Variants in AMACR observed in about 807,000 individuals in gnomAD.
AMACR encodes 2-methylacyl-CoA racemase.
In AMACR, 18 loss-of-function variants were observed where a neutral mutation model predicts 22.2. The observed-to-expected ratio is 0.81, with a 90% CI of 0.56 to 1.20. The LOEUF (loss-of-function observed/expected upper bound fraction) is 1.20, where lower values mean the gene tolerates loss of function less well. AMACR is among the 50% of genes most tolerant of loss of function. The pLI, the probability that AMACR is intolerant of heterozygous loss-of-function variation, is 0.00. For synonymous variants in AMACR, 213 were observed against 191.3 expected, an observed-to-expected ratio of 1.11 and a Z score of -0.94; for missense variants, 499 against 490.6, an observed-to-expected ratio of 1.02 and a Z score of -0.16.
At position 33,988,808 on chromosome 5, in the gene AMACR, TAA is replaced by T. The variant is rs1243422054; in HGVS notation, c.*283_*284del. Reference sequence around the variant, plus strand: ...TTTTCACTAGAACCCATTCAAAATATAAGTCAAGAATCTTAATATCAACAAAT... The same window carrying T: ...TTTTCACTAGAACCCATTCAAAATATGTCAAGAATCTTAATATCAACAAAT... On this transcript the variant is annotated 3_prime_UTR_variant, in exon 5 of 5. Coordinates refer to ENST00000335606, the MANE Select transcript of AMACR (RefSeq NM_014324.6). The T allele has an allele frequency of 1.0e-5, 13 of 1,275,980 alleles. No individual in the cohort carries two copies. The highest frequency in any genetic ancestry group is 3.8e-5 in the Admixed American group (1 of 26,306). 79.0% of individuals were successfully genotyped at this position (1,275,980 alleles called of 1,614,324 possible). A position where few individuals can be genotyped will look rare whatever the true frequency, so the allele number is the denominator to read the frequency against.
At chr5:33,996,235 T>C (rs1436835643) in intron 4 of AMACR, among the ~76,000 whole-genome samples, 1 of 152,192 alleles carries the variant, frequency 6.6e-6, no homozygotes, top group Non-Finnish European at 1.5e-5. Context: ...CATAAGATGC[T>C]GACCAAAAAA....
At position 33,997,744 on chromosome 5, in the gene AMACR, A is replaced by G. The variant is rs1753688682; in HGVS notation, c.739+897T>C. 4 of 551,852 alleles carry G rather than the reference A, an allele frequency of 7.2e-6. No individual in the cohort carries two copies. The East Asian group carries it at 8.7e-5, about 12-fold the overall frequency. 34.2% of individuals were successfully genotyped at this position (551,852 alleles called of 1,614,324 possible). A position where few individuals can be genotyped will look rare whatever the true frequency, so the allele number is the denominator to read the frequency against. On this transcript the variant is annotated intron_variant, in intron 4 of 4. Transcript: ENST00000335606. Reference sequence around the variant, plus strand: ...GTGTTCTTCTATAGTTTTTCCAACTATATTTGAATAGGTGAAGTTAATATG... The same window carrying G: ...GTGTTCTTCTATAGTTTTTCCAACTGTATTTGAATAGGTGAAGTTAATATG...
At chr5:33,999,411 C>A (rs1163437138) in intron 3 of AMACR, among the ~76,000 whole-genome samples, 1 of 152,122 alleles carries the variant, frequency 6.6e-6, no homozygotes, top group Non-Finnish European at 1.5e-5. Context: ...ATATGGATGG[C>A]AGGTATGTGC....
chr5:33,988,186 A>G lies in AMACR; in HGVS notation c.*907T>C, dbSNP rs1425841164. ...AAGTTGAGTCCAGGGAAGCTCCAGG[A>G]GCAGGCTGGTTTTATGTAAAGACAA... On this transcript the variant is annotated 3_prime_UTR_variant, in exon 5 of 5. Coordinates refer to ENST00000335606, the MANE Select transcript of AMACR (RefSeq NM_014324.6). 1.2e-6 allele frequency: 1 copy of G among 843,858 alleles called. No individual in the cohort carries two copies. Among genetic ancestry groups the G allele is most frequent in the African/African-American group, 1.7e-5 (1 of 58,636 alleles). 52.3% of individuals were successfully genotyped at this position (843,858 alleles called of 1,614,324 possible). A position where few individuals can be genotyped will look rare whatever the true frequency, so the allele number is the denominator to read the frequency against.
chr5:33,989,515 A>G lies in AMACR; in HGVS notation c.740-13T>C, dbSNP rs1433373997. The G allele has an allele frequency of 6.3e-7, 1 of 1,595,924 alleles. No homozygotes were observed. The highest frequency in any genetic ancestry group is 2.2e-5 in the East Asian group (1 of 44,812). On this transcript the variant is annotated splice_polypyrimidine_tract_variant and intron_variant, in intron 4 of 4. Transcript: ENST00000335606. ...TTTAGTCCAAGTCCTGAGGAAAAAT[A>G]CAATTTCCTAAATTATTATGCTTTG... is the stretch of plus-strand genomic sequence containing the variant.
At chr5:33,991,188 G>A (rs2112036919) in intron 4 of AMACR, among the ~76,000 whole-genome samples, 1 of 152,240 alleles carries the variant, frequency 6.6e-6, no homozygotes, top group African/African-American at 2.4e-5. Flanking sequence ...TTGTATGCTA[G>A]AAAAATACTA....
At chr5:33,991,416 T>A (rs926483287) in intron 4 of AMACR, among the ~76,000 whole-genome samples, 11 of 152,320 alleles carry the variant, frequency 7.2e-5, no homozygotes, top group African/African-American at 2.6e-4. Context: ...CATAATTGTA[T>A]AAATACAGTT....
rs1173039095 is a variant in AMACR at position 34,007,992 on chromosome 5, C to A, written c.28G>T (p.Glu10Ter). 3.7e-6 allele frequency: 6 copies of A among 1,611,514 alleles called. No homozygotes were observed. Among genetic ancestry groups the A allele is most frequent in the Non-Finnish European group, 4.2e-6 (5 of 1,179,786 alleles). ...GGGCCCGGGGCCAGGCCGGACAGCT[C>A]CACGACCGAGATGCCCTGCAGTGCC... Reference protein sequence around the residue: MALQGISVVELSGLAPGPFC... With the variant: MALQGISVV The change falls in exon 1 of 5, where the codon GAG becomes TAG. Residue 10 changes from glutamate (E) to a stop codon, truncating the protein, a stop_gained. Transcript: ENST00000335606. LOFTEE classifies it high-confidence loss of function.
intron 4 of AMACR, among the ~76,000 whole-genome samples, chr5:33,991,283 C>T (rs1447275887): frequency 1.3e-5 from 2 of 152,138 alleles, no homozygotes; most frequent in Admixed American, 6.5e-5. Context: ...CCACAATCTC[C>T]CATCCTGCCC....
rs1040065007 is a variant in AMACR at position 34,003,497 on chromosome 5, A to G, written c.552+1077T>C. ...TTATCTCCATTTTACAAAGGAAACT[A>G]CAGCACAGAGAGGTTAAGTAACTTG... On this transcript the variant is annotated intron_variant, in intron 3 of 4. Coordinates refer to ENST00000335606, the MANE Select transcript of AMACR (RefSeq NM_014324.6). Among the ~76,000 whole-genome samples, 5 of 152,324 alleles carry G rather than the reference A, an allele frequency of 3.3e-5. No homozygotes were observed. The South Asian group carries it at 1.0e-3, about 32-fold the overall frequency.
rs891443527 is a variant in AMACR, at chr5:33,987,799, T to G, written c.*1294A>C. ...AGAAATGAAAAATATATTTTTTTAT[T>G]TATGTGTATTATATTTTTCAAGCAG... On this transcript the variant is annotated 3_prime_UTR_variant, in exon 5 of 5. Coordinates refer to ENST00000335606, the MANE Select transcript of AMACR (RefSeq NM_014324.6). The G allele has an allele frequency of 6.6e-6, 1 of 152,240 alleles. No homozygotes were observed. The highest frequency in any genetic ancestry group is 2.4e-5 in the African/African-American group (1 of 41,468). 9.4% of individuals were successfully genotyped at this position (152,240 alleles called of 1,614,324 possible). A position where few individuals can be genotyped will look rare whatever the true frequency, so the allele number is the denominator to read the frequency against.
chr5:33,998,802 G>C lies in AMACR; in HGVS notation c.578C>G (p.Ser193Cys). 1 of 1,614,056 alleles carries C rather than the reference G, an allele frequency of 6.2e-7. No individual in the cohort carries two copies. The highest frequency in any genetic ancestry group is 8.5e-7 in the Non-Finnish European group (1 of 1,179,978). Residue 193 changes from serine (S) to cysteine (C), a missense_variant, in exon 4 of 5, where the codon TCT (serine) becomes TGT (cysteine). Physicochemically the swap from Ser to Cys is moderately radical, Grantham distance 112. Transcript: ENST00000335606. ...NMVEGTAYLS[S>C]FLWKTQKLSL... Reference sequence around the variant, plus strand: ...CAATTTCTGAGTTTTCCACAGAAAAGAACTTAAATATGCTGTTCCTTCCAC... The same window carrying C: ...CAATTTCTGAGTTTTCCACAGAAAACAACTTAAATATGCTGTTCCTTCCAC...
chr5:33,988,736 G>A lies in AMACR; in HGVS notation c.*357C>T. 8.4e-7 allele frequency: 1 copy of A among 1,196,186 alleles called. No homozygotes were observed. Among genetic ancestry groups the A allele is most frequent in the South Asian group, 2.3e-5 (1 of 44,318 alleles). The allele number at this position is 1,196,186 out of a possible 1,614,324, so 74.1% of individuals were successfully genotyped here. ...CTCATTTTCTACATTGTAGAATCAA[G>A]AGTGTAAATAAATGTATATCGATGT... On this transcript the variant is annotated 3_prime_UTR_variant, in exon 5 of 5. Transcript: ENST00000335606.
At chr5:33,989,591 G>C in intron 4 of AMACR, 89 bp from the exon 5 acceptor site, 1 of 1,093,572 alleles carries the variant, frequency 9.1e-7, no homozygotes, top group Non-Finnish European at 1.4e-6. Context: ...ACTGTACTAT[G>C]CAAAATAAGA....
chr5:33,994,008 A>AT (rs1276834881), intron 4 of AMACR: 19 of 453,136 alleles, frequency 4.2e-5, no homozygotes, highest in East Asian at 2.1e-4. Context: ...GTGTTTTCAG[A>AT]TTATTTTTGT....
chr5:34,004,511 T>C lies in AMACR; in HGVS notation c.552+63A>G, dbSNP rs35206983. On this transcript the variant is annotated intron_variant, in intron 3 of 4. Coordinates refer to ENST00000335606, the MANE Select transcript of AMACR (RefSeq NM_014324.6). ...TTGTCTTCTTCTTCAAAAAAAGGAT[T>C]TTAAGCAGCTATATCTTAAACTTAG... 1.4e-4 allele frequency: 232 copies of C among 1,604,170 alleles called. 3 individuals are homozygous for C. In the African/African-American group the frequency reaches 2.8e-3, roughly 19 times the overall value.
In AMACR at chr5:33,986,177, C is replaced by A. The variant is rs1443889704; in HGVS notation, c.*2916G>T. 2 of 152,074 alleles carry A rather than the reference C, an allele frequency of 1.3e-5. No individual in the cohort carries two copies. Among genetic ancestry groups the A allele is most frequent in the African/African-American group, 4.8e-5 (2 of 41,396 alleles). 9.4% of individuals were successfully genotyped at this position (152,074 alleles called of 1,614,324 possible). ...AAATAAATTGATATCTTTTCATAAA[C>A]TTTTTATAAATATAGACATTCTATT... On this transcript the variant is annotated 3_prime_UTR_variant, in exon 5 of 5. Coordinates refer to ENST00000335606, the MANE Select transcript of AMACR (RefSeq NM_014324.6).
intron 4 of AMACR, chr5:33,997,268 C>T (rs767939482): frequency 3.5e-5 from 27 of 772,000 alleles, no homozygotes; most frequent in African/African-American, 6.8e-5. Flanking sequence ...TCCGGATTCC[C>T]ACTATTTAGT....
intron 4 of AMACR, among the ~76,000 whole-genome samples, chr5:33,993,428 T>A (rs1753542878): frequency 6.6e-6 from 1 of 152,186 alleles, no homozygotes; most frequent in Non-Finnish European, 1.5e-5. Context: ...CCAATTCTTT[T>A]GGTTATATAC....
Sources: gnomAD v4.1 joint callset for allele counts (sites outside exome capture counted in the v4.1 genomes callset) on GRCh38, gnomAD v4.1.1 for gene constraint, MANE v1.5 for transcripts, NCBI Gene and HGNC (gene_info 2026-07-23, HGNC 2026-07-21) for gene names.